Variants in CCNT2 observed in about 807,000 individuals in gnomAD.
The protein encoded by CCNT2 is cyclin-T2.
A neutral mutation model predicts 70.0 loss-of-function variants in CCNT2; 18 were observed. The ratio of observed to expected loss-of-function variants is 0.26; its 90% CI spans 0.18 to 0.38. The LOEUF (loss-of-function observed/expected upper bound fraction) is 0.38. Ranked by LOEUF, CCNT2 falls within the 10% of genes least tolerant of loss-of-function variation. The pLI, the probability that CCNT2 is intolerant of heterozygous loss-of-function variation, is 1.00. For missense variants in CCNT2, 734 were observed against 890.2 expected, an observed-to-expected ratio of 0.82 and a Z score of 2.23; for synonymous variants, 334 against 313.3, an observed-to-expected ratio of 1.07 and a Z score of -0.70.
intron 2 of CCNT2, among the ~76,000 whole-genome samples, chr2:134,932,733 T>A (rs1362785579): frequency 6.6e-6 from 1 of 152,244 alleles, no homozygotes; most frequent in East Asian, 1.9e-4. Context: ...GCTGGAATTT[T>A]GGTTTGATAG....
chr2:134,944,289 A>C (rs985377662), intron 5 of CCNT2: 1 of 983,308 alleles, frequency 1.0e-6, no homozygotes, highest in African/African-American at 1.7e-5. Flanking sequence ...TAAACTTTGT[A>C]AGCATTGTAG....
At position 134,946,226 on chromosome 2, in the gene CCNT2, C is replaced by T. The variant is rs938476013; in HGVS notation, c.539+80C>T. 1.1e-5 allele frequency: 16 copies of T among 1,503,190 alleles called. No homozygotes were observed. In the African/African-American group the frequency reaches 2.1e-4, roughly 20 times the overall value. The allele number at this position is 1,503,190 out of a possible 1,614,324, so 93.1% of individuals were successfully genotyped here. A position where few individuals can be genotyped will look rare whatever the true frequency, so the allele number is the denominator to read the frequency against. On this transcript the variant is annotated intron_variant, in intron 6 of 8. Transcript: ENST00000264157. ...AATGCAGGGCCCCCTCAATGTGTCT[C>T]TTACCCTTGTTGCGACAGGAGACTG...
chr2:134,936,065 T>G (rs756387991), intron 2 of CCNT2, among the ~76,000 whole-genome samples: 1 of 151,980 alleles, frequency 6.6e-6, no homozygotes, highest in Admixed American at 6.6e-5. Context: ...AATGAATCAT[T>G]GCTTGATTTT....
At chr2:134,952,574 G>A in intron 7 of CCNT2, 67 bp from the exon 8 acceptor site, 1 of 894,230 alleles carries the variant, frequency 1.1e-6, no homozygotes, top group Non-Finnish European at 1.8e-6. Context: ...TTTTAATACT[G>A]CCCACTTAAG....
chr2:134,953,601 G>C lies in CCNT2; in HGVS notation c.1146G>C (p.Gln382His). The change falls in exon 9 of 9, where the codon CAG (glutamine) becomes CAC (histidine). Residue 382 changes from glutamine (Q) to histidine (H), a missense_variant. Coordinates refer to ENST00000264157, the MANE Select transcript of CCNT2 (RefSeq NM_058241.3). ...GTAGCCAGTACAACATCAACTTCCAGCAGGGACCTTCTATATCACTGCATT... is the reference window on the plus strand; with the variant it reads ...GTAGCCAGTACAACATCAACTTCCACCAGGGACCTTCTATATCACTGCATT... The part of the protein sequence containing the change: ...LSGSQYNINF[Q>H]QGPSISLHSG... 1 of 1,614,096 alleles carries C rather than the reference G, an allele frequency of 6.2e-7. No homozygotes were observed. Among genetic ancestry groups the C allele is most frequent in the East Asian group, 2.2e-5 (1 of 44,882 alleles).
chr2:134,944,906 TA>T (rs1681839678), intron 5 of CCNT2: 13 of 985,168 alleles, frequency 1.3e-5, no homozygotes, highest in Non-Finnish European at 1.6e-5. Context: ...TTTCCTTCTC[TA>T]CGTATTTTTA....
At chr2:134,944,001 T>C in intron 5 of CCNT2, 1 of 978,596 alleles carries the variant, frequency 1.0e-6, no homozygotes, top group Non-Finnish European at 1.2e-6. Flanking sequence ...TTTATTATGT[T>C]AGTGGCTACA....
chr2:134,940,058 A>G (rs1573826628), intron 4 of CCNT2, among the ~76,000 whole-genome samples: 1 of 152,160 alleles, frequency 6.6e-6, no homozygotes, highest in South Asian at 2.1e-4. Flanking sequence ...TTGTACCTCC[A>G]TTCTGTAGAG....
rs957561805 is a variant in CCNT2 at position 134,958,173 on chromosome 2, T to G, written c.*3525T>G. 1 of 152,230 alleles carries G rather than the reference T, an allele frequency of 6.6e-6. No homozygotes were observed. The highest frequency in any genetic ancestry group is 2.4e-5 in the African/African-American group (1 of 41,466). 9.4% of individuals were successfully genotyped at this position (152,230 alleles called of 1,614,324 possible). On this transcript the variant is annotated 3_prime_UTR_variant, in exon 9 of 9. Coordinates refer to ENST00000264157, the MANE Select transcript of CCNT2 (RefSeq NM_058241.3). Reference sequence around the variant, plus strand: ...ATTAGATATTTCAGGGTTTTGCATTTTCTATAGACATGGGGACTTTTTTAA... The same window carrying G: ...ATTAGATATTTCAGGGTTTTGCATTGTCTATAGACATGGGGACTTTTTTAA...
intron 5 of CCNT2, chr2:134,942,891 A>G: frequency 7.5e-7 from 1 of 1,338,852 alleles, no homozygotes; most frequent in Non-Finnish European, 9.6e-7. Context: ...TAAGAATCTC[A>G]TTTCACTAAA....
At chr2:134,932,773 A>G (rs1193381719) in intron 2 of CCNT2, among the ~76,000 whole-genome samples, 1 of 152,020 alleles carries the variant, frequency 6.6e-6, no homozygotes, top group African/African-American at 2.4e-5. Context: ...CAATTAACAA[A>G]TGGGCATTTT....
At chr2:134,939,089 T>C in intron 4 of CCNT2, 27 bp downstream of exon 4, 1 of 1,453,070 alleles carries the variant, frequency 6.9e-7, no homozygotes, top group Admixed American at 1.7e-5. Flanking sequence ...GATAATGGCT[T>C]TTTGTGTGTA....
At chr2:134,929,474 G>A (rs1680560417) in intron 2 of CCNT2, among the ~76,000 whole-genome samples, 1 of 151,592 alleles carries the variant, frequency 6.6e-6, no homozygotes, top group African/African-American at 2.4e-5. Flanking sequence ...CCGGCATCTT[G>A]GTGTGCGCCT....
chr2:134,949,803 G>C (rs1682308314), intron 7 of CCNT2, among the ~76,000 whole-genome samples: 1 of 63,702 alleles, frequency 1.6e-5, no homozygotes, highest in Non-Finnish European at 3.0e-5. Flanking sequence ...TTTTTTTTTC[G>C]GGGGGGGGGT....
At chr2:134,935,418 A>T (rs982602079) in intron 2 of CCNT2, among the ~76,000 whole-genome samples, 3 of 152,192 alleles carry the variant, frequency 2.0e-5, no homozygotes, top group African/African-American at 7.2e-5. Context: ...AATTCCAGTG[A>T]TTAAGTTTCA....
At chr2:134,931,742 G>A (rs1680786981) in intron 2 of CCNT2, among the ~76,000 whole-genome samples, 1 of 152,192 alleles carries the variant, frequency 6.6e-6, no homozygotes, top group South Asian at 2.1e-4. Context: ...TAATGTTCTT[G>A]TTTCACAATA....
chr2:134,945,328 A>T (rs949724786), intron 5 of CCNT2: 2 of 985,192 alleles, frequency 2.0e-6, no homozygotes, highest in African/African-American at 1.7e-5. Flanking sequence ...TGTAATTGGG[A>T]AAAAGGGAAA....
At chr2:134,946,967 G>A (rs77456310) in intron 6 of CCNT2, among the ~76,000 whole-genome samples, 9,174 of 152,184 alleles carry the variant, frequency 0.06, 550 homozygotes, top group East Asian at 0.3. Context: ...GGCAAATACT[G>A]CTATATTTTC....
chr2:134,939,065 A>G lies in CCNT2; in HGVS notation c.430+3A>G, dbSNP rs761796824. 5.6e-6 allele frequency: 9 copies of G among 1,596,592 alleles called. No individual in the cohort carries two copies. Among genetic ancestry groups the G allele is most frequent in the Non-Finnish European group, 6.9e-6 (8 of 1,164,676 alleles). On this transcript the variant is annotated splice_donor_region_variant and intron_variant, in intron 4 of 8. Transcript: ENST00000264157. ...AACCATAATGCTACAAACTCTAGGT[A>G]CGTACTTACATCAGATAATGGCTTT...
Sources: gnomAD v4.1 joint callset for allele counts (sites outside exome capture counted in the v4.1 genomes callset) on GRCh38, gnomAD v4.1.1 for gene constraint, MANE v1.5 for transcripts, NCBI Gene and HGNC (gene_info 2026-07-23, HGNC 2026-07-21) for gene names.